Variants in PLCL1 observed in about 807,000 individuals in gnomAD.
PLCL1 encodes the protein phospholipase C like 1 (inactive), also known as inactive phospholipase C-like protein 1.
PLCL1 carries 41 observed loss-of-function variants against 84.4 expected under a neutral mutation model. The observed-to-expected ratio is 0.49, with a 90% confidence interval of 0.38 to 0.63. The LOEUF (loss-of-function observed/expected upper bound fraction) is 0.63. PLCL1 is among the 30% of genes least tolerant of loss of function. The probability of loss-of-function intolerance (pLI) is 0.00; values close to 1 mark genes in which losing one functional copy is unlikely to be tolerated. For synonymous variants in PLCL1, 490 were observed against 488.3 expected, an observed-to-expected ratio of 1.00 and a Z score of -0.05; for missense variants, 1,206 against 1,367.8, an observed-to-expected ratio of 0.88 and a Z score of 1.87.
At position 197,964,789 on chromosome 2, in the gene PLCL1, C is replaced by T. The variant is rs577140480; in HGVS notation, c.241-118969C>T. Among the ~76,000 whole-genome samples, 92 of 152,104 alleles carry T rather than the reference C, an allele frequency of 6.0e-4. 1 individual carries two copies. Among genetic ancestry groups the T allele is most frequent in the Non-Finnish European group, 7.7e-4 (52 of 67,966 alleles). ...TACCCTGTTTTTTGAGAGTTTTTAT[C>T]ATGAAGGGATATTGGATTTTATCAA... On this transcript the variant is annotated intron_variant, in intron 1 of 5. Transcript: ENST00000428675.
intron 1 of PLCL1, among the ~76,000 whole-genome samples, chr2:197,912,271 A>G (rs991627313): frequency 6.6e-5 from 10 of 151,826 alleles, no homozygotes; most frequent in South Asian, 4.2e-4. Flanking sequence ...TTAGAATGGC[A>G]ATCATTAAAA....
intron 1 of PLCL1, among the ~76,000 whole-genome samples, chr2:197,859,587 A>C (rs1343622464): frequency 1.3e-5 from 2 of 152,186 alleles, no homozygotes; most frequent in African/African-American, 4.8e-5. Context: ...TGCTCCCATA[A>C]GATTGTAATG....
intron 1 of PLCL1, among the ~76,000 whole-genome samples, chr2:197,871,866 G>C (rs1687656893): frequency 6.6e-6 from 1 of 152,040 alleles, no homozygotes; most frequent in Non-Finnish European, 1.5e-5. Context: ...TCACCTATCT[G>C]ACAAGGACAC....
At chr2:197,899,637 T>TC (rs1253117294) in intron 1 of PLCL1, among the ~76,000 whole-genome samples, 3 of 145,916 alleles carry the variant, frequency 2.1e-5, no homozygotes, top group African/African-American at 7.7e-5. Context: ...AGTTCTTTCT[T>TC]TCTTTTTTTT....
At chr2:198,006,802 G>T (rs1690739133) in intron 1 of PLCL1, among the ~76,000 whole-genome samples, 1 of 152,184 alleles carries the variant, frequency 6.6e-6, no homozygotes, top group Non-Finnish European at 1.5e-5. Flanking sequence ...AGCTGCCTTT[G>T]CTGCAAAGGA....
At chr2:198,108,415 A>C (rs1158476438) in intron 5 of PLCL1, among the ~76,000 whole-genome samples, 1 of 151,914 alleles carries the variant, frequency 6.6e-6, no homozygotes, top group African/African-American at 2.4e-5. Context: ...ATTTAATTCC[A>C]GTGTAATTTC....
chr2:197,976,311 G>A (rs1033344093), intron 1 of PLCL1, among the ~76,000 whole-genome samples: 2 of 152,156 alleles, frequency 1.3e-5, no homozygotes, highest in Admixed American at 1.3e-4. Flanking sequence ...CAACCTAGAA[G>A]AGTCCACTTT....
chr2:197,897,935 C>T (rs538486246), intron 1 of PLCL1, among the ~76,000 whole-genome samples: 2 of 152,326 alleles, frequency 1.3e-5, no homozygotes, highest in South Asian at 2.1e-4. Context: ...CATTTGGATT[C>T]ATGATCATGA....
At chr2:197,888,439 C>G (rs1233706930) in intron 1 of PLCL1, among the ~76,000 whole-genome samples, 17 of 152,084 alleles carry the variant, frequency 1.1e-4, no homozygotes, top group Admixed American at 1.1e-3. Flanking sequence ...GGCAGAACAG[C>G]ATGGAGAGAG....
At chr2:197,943,541 T>G (rs1357661635) in intron 1 of PLCL1, among the ~76,000 whole-genome samples, 2 of 152,016 alleles carry the variant, frequency 1.3e-5, no homozygotes, top group Non-Finnish European at 2.9e-5. Flanking sequence ...TATGTTAGGA[T>G]TTTTACTCAT....
chr2:198,040,076 A>G (rs1316289911), intron 1 of PLCL1, among the ~76,000 whole-genome samples: 1 of 152,198 alleles, frequency 6.6e-6, no homozygotes, highest in African/African-American at 2.4e-5. Flanking sequence ...ACGACTTGAT[A>G]CCAAATCCAA....
At chr2:197,825,295 G>A (rs1232861755) in intron 1 of PLCL1, among the ~76,000 whole-genome samples, 6 of 152,158 alleles carry the variant, frequency 3.9e-5, no homozygotes. Flanking sequence ...ACTGGACCCA[G>A]TCCTAGTACC....
chr2:198,005,598 C>G (rs1453899154), intron 1 of PLCL1, among the ~76,000 whole-genome samples: 1 of 152,246 alleles, frequency 6.6e-6, no homozygotes, highest in Non-Finnish European at 1.5e-5. Flanking sequence ...GGAAGGCAGA[C>G]ATTCATTAAA....
intron 5 of PLCL1, among the ~76,000 whole-genome samples, chr2:198,141,769 A>G (rs1460388057): frequency 1.3e-5 from 2 of 152,160 alleles, no homozygotes; most frequent in African/African-American, 2.4e-5. Context: ...TACTGTGGGT[A>G]TGGACTCTCC....
At chr2:198,119,912 AT>A (rs1574326277) in intron 5 of PLCL1, among the ~76,000 whole-genome samples, 1 of 152,058 alleles carries the variant, frequency 6.6e-6, no homozygotes, top group East Asian at 1.9e-4. Context: ...GTGGGGATGG[AT>A]GCACACCTTG....
intron 3 of PLCL1, among the ~76,000 whole-genome samples, chr2:198,089,975 T>G (rs1692981101): frequency 6.6e-6 from 1 of 152,240 alleles, no homozygotes; most frequent in African/African-American, 2.4e-5. Context: ...CTCTCATTCA[T>G]CTACTTCTAG....
Position 197,918,936 on chromosome 2 carries a change from GTCTC to G in PLCL1, c.240+113626_240+113629del, listed in dbSNP as rs71395692. Among the ~76,000 whole-genome samples the G allele has an allele frequency of 9.8e-3, 815 of 83,122 alleles. 7 individuals are homozygous for G. Among genetic ancestry groups the G allele is most frequent in the African/African-American group, 0.026 (751 of 28,686 alleles). 54.5% of individuals were successfully genotyped at this position (83,122 alleles called of 152,430 possible). ...AGCCTGGGCAACAGACGGAGACCCTGTCTCTCTCTCTCTCTCTCTCTCTCTCTCT... is the reference window on the plus strand; with the variant it reads ...AGCCTGGGCAACAGACGGAGACCCTGTCTCTCTCTCTCTCTCTCTCTCTCT... On this transcript the variant is annotated intron_variant, in intron 1 of 5. Transcript: ENST00000428675.
chr2:197,912,564 A>G (rs1424745976), intron 1 of PLCL1, among the ~76,000 whole-genome samples: 2 of 150,548 alleles, frequency 1.3e-5, no homozygotes, highest in African/African-American at 4.9e-5. Context: ...ACAATGATAG[A>G]CTGGATTAAG....
intron 1 of PLCL1, among the ~76,000 whole-genome samples, chr2:198,032,768 A>G (rs1031709159): frequency 6.6e-6 from 1 of 152,190 alleles, no homozygotes; most frequent in African/African-American, 2.4e-5. Context: ...TCAAATAAGA[A>G]CATACTACAA....
Sources: gnomAD v4.1 joint callset for allele counts (sites outside exome capture counted in the v4.1 genomes callset) on GRCh38, gnomAD v4.1.1 for gene constraint, MANE v1.5 for transcripts, NCBI Gene and HGNC (gene_info 2026-07-23, HGNC 2026-07-21) for gene names.